Variants in SMIM10L3 observed in about 807,000 individuals in gnomAD.
SMIM10L3 encodes the protein salivary gland specific protein SAGSIN1.
chr7:6,343,929 A>T, the SMIM10L3 span, among the ~76,000 whole-genome samples: 4 of 152,112 alleles, frequency 2.6e-5, no homozygotes, highest in African/African-American at 9.7e-5. Flanking sequence ...TCTGTCACCC[A>T]TGCTGGAGAG....
the SMIM10L3 span, among the ~76,000 whole-genome samples, chr7:6,339,726 C>T: frequency 1.3e-5 from 2 of 152,152 alleles, no homozygotes; most frequent in Non-Finnish European, 2.9e-5. Context: ...CCACCTCAGC[C>T]TCCCAAAGTG....
chr7:6,345,553 G>GT, the SMIM10L3 span, among the ~76,000 whole-genome samples: 1 of 152,102 alleles, frequency 6.6e-6, no homozygotes, highest in African/African-American at 2.4e-5. Flanking sequence ...TATGAAAAAG[G>GT]TAACTGTTTC....
the SMIM10L3 span, among the ~76,000 whole-genome samples, chr7:6,336,669 G>A: frequency 2.1e-5 from 3 of 146,092 alleles, no homozygotes; most frequent in South Asian, 2.2e-4. Flanking sequence ...GAGAGAGCGA[G>A]CAAGACTTTG....
At chr7:6,329,929 G>C in the SMIM10L3 span, 1 of 172,940 alleles carries the variant, frequency 5.8e-6, no homozygotes, top group African/African-American at 2.4e-5. Flanking sequence ...ATGTAGACAT[G>C]GTAACAGCTT....
the SMIM10L3 span, among the ~76,000 whole-genome samples, chr7:6,348,068 G>A: frequency 6.6e-6 from 1 of 151,530 alleles, no homozygotes; most frequent in African/African-American, 2.4e-5. Flanking sequence ...GCGCCACCAC[G>A]CCCGGCTAAT....
At chr7:6,346,101 T>G in the SMIM10L3 span, among the ~76,000 whole-genome samples, 7 of 151,922 alleles carry the variant, frequency 4.6e-5, no homozygotes, top group African/African-American at 1.4e-4. Context: ...GGATTGGAAA[T>G]CTAAAAATCT....
At chr7:6,332,544 G>A in the SMIM10L3 span, among the ~76,000 whole-genome samples, 9 of 152,106 alleles carry the variant, frequency 5.9e-5, no homozygotes, top group East Asian at 1.9e-4. Flanking sequence ...TCAGCCAGGC[G>A]TGGTGGCTCA....
At chr7:6,339,167 C>T in the SMIM10L3 span, among the ~76,000 whole-genome samples, 185 of 152,218 alleles carry the variant, frequency 1.2e-3, 1 homozygote, top group African/African-American at 4.2e-3. Context: ...CCACTTGGCA[C>T]GTCTAAATCA....
the SMIM10L3 span, among the ~76,000 whole-genome samples, chr7:6,347,883 T>TATTA: frequency 7.6e-6 from 1 of 131,538 alleles, no homozygotes; most frequent in African/African-American, 2.8e-5. Flanking sequence ...ACGAGACCCC[T>TATTA]TTATTATTAT....
the SMIM10L3 span, chr7:6,348,958 C>A: frequency 2.7e-6 from 1 of 377,222 alleles, no homozygotes; most frequent in Non-Finnish European, 4.7e-6. Flanking sequence ...CCAGCCTGGC[C>A]GCGCAGCCTG....
At chr7:6,338,917 C>T in the SMIM10L3 span, among the ~76,000 whole-genome samples, 1 of 152,132 alleles carries the variant, frequency 6.6e-6, no homozygotes, top group African/African-American at 2.4e-5. Context: ...CTGCCGCACG[C>T]AAGGAGAGCT....
At chr7:6,348,518 G>C in the SMIM10L3 span, 1 of 412,014 alleles carries the variant, frequency 2.4e-6, no homozygotes, top group East Asian at 3.5e-5. Flanking sequence ...TGCATCCCGC[G>C]GGCGAGGCGG....
the SMIM10L3 span, among the ~76,000 whole-genome samples, chr7:6,333,874 T>C: frequency 1.9e-4 from 28 of 146,648 alleles, no homozygotes; most frequent in East Asian, 4.9e-3. Flanking sequence ...GACAGAGTCT[T>C]GCTCTTTTTT....
the SMIM10L3 span, chr7:6,331,315 T>C: frequency 1.5e-6 from 1 of 680,318 alleles, no homozygotes; most frequent in South Asian, 1.9e-5. Flanking sequence ...AAATATTTCC[T>C]AACAAACACT....
chr7:6,341,202 T>C, the SMIM10L3 span, among the ~76,000 whole-genome samples: 1 of 150,962 alleles, frequency 6.6e-6, no homozygotes. Flanking sequence ...CCCAGCACTT[T>C]GGGAGGCCAA....
At chr7:6,347,285 C>T in the SMIM10L3 span, among the ~76,000 whole-genome samples, 10 of 152,116 alleles carry the variant, frequency 6.6e-5, no homozygotes, top group African/African-American at 9.6e-5. Context: ...GAGGTCGAGG[C>T]GGGCAGATCA....
the SMIM10L3 span, chr7:6,330,305 A>T: frequency 7.0e-7 from 1 of 1,435,220 alleles, no homozygotes; most frequent in Admixed American, 2.0e-5. Context: ...TTGCATCCAG[A>T]CTTAATGCGA....
chr7:6,341,397 G>A, the SMIM10L3 span, among the ~76,000 whole-genome samples: 42 of 151,310 alleles, frequency 2.8e-4, 1 homozygote, highest in Admixed American at 1.7e-3. Flanking sequence ...AGCGGAGATC[G>A]CGCCACTGTA....
the SMIM10L3 span, chr7:6,348,856 G>A: frequency 1.3e-5 from 5 of 391,416 alleles, no homozygotes; most frequent in Middle Eastern, 6.4e-4. Flanking sequence ...GAGCGAAGGA[G>A]GCGGCGGCTA....
Sources: allele counts gnomAD v4.1 joint callset (sites outside exome capture counted in the v4.1 genomes callset), GRCh38; gene constraint gnomAD v4.1.1; transcripts MANE v1.5; gene names NCBI Gene and HGNC (gene_info 2026-07-23, HGNC 2026-07-21).